Variants in PKHD1L1 observed in about 807,000 individuals in gnomAD.
PKHD1L1 encodes the protein PKHD1 like 1, also known as fibrocystin-L.
PKHD1L1 carries 434 observed loss-of-function variants against 462.9 expected under a neutral mutation model. The ratio of observed to expected loss-of-function variants is 0.94; its 90% CI spans 0.87 to 1.02. The LOEUF (loss-of-function observed/expected upper bound fraction) is 1.02. Ranked by LOEUF, PKHD1L1 falls within the 50% of genes least tolerant of loss-of-function variation. The pLI, the probability that PKHD1L1 is intolerant of heterozygous loss-of-function variation, is 0.00. For synonymous variants in PKHD1L1, 1,781 were observed against 1,750.0 expected, an observed-to-expected ratio of 1.02 and a Z score of -0.44; for missense variants, 5,202 against 5,096.1, an observed-to-expected ratio of 1.02 and a Z score of -0.63.
rs1816025397 is a variant in PKHD1L1, at chr8:109,444,794, C to G, written c.4925C>G (p.Thr1642Ser). 6.2e-7 allele frequency: 1 copy of G among 1,613,896 alleles called. No homozygotes were observed. Among genetic ancestry groups the G allele is most frequent in the Non-Finnish European group, 8.5e-7 (1 of 1,179,898 alleles). Residue 1642 changes from threonine to serine, a missense_variant, in exon 38 of 78, where the codon ACT becomes AGT. Transcript: ENST00000378402. ...ACTTTGACTGTCTACAACCTGGGCA[C>G]TGCTATCAATACGTTGTCCAATGAA... ...TVTLTVYNLGTAINTLSNEFD... is the reference protein window; with the variant it reads ...TVTLTVYNLGSAINTLSNEFD...
intron 2 of PKHD1L1, among the ~76,000 whole-genome samples, chr8:109,380,929 C>T (rs1812077235): frequency 2.0e-5 from 3 of 152,122 alleles, no homozygotes; most frequent in African/African-American, 7.2e-5. Context: ...TTATCACCTC[C>T]AGATATAGAA....
At chr8:109,481,263 G>T (rs1411353505) in intron 55 of PKHD1L1, among the ~76,000 whole-genome samples, 170 bp from the exon 56 acceptor site, 1 of 151,828 alleles carries the variant, frequency 6.6e-6, no homozygotes, top group Non-Finnish European at 1.5e-5. Flanking sequence ...CATTTAAACT[G>T]CTTATCCAAA....
intron 62 of PKHD1L1, among the ~76,000 whole-genome samples, chr8:109,493,019 T>G (rs1327079896): frequency 6.6e-6 from 1 of 151,708 alleles, no homozygotes; most frequent in South Asian, 2.1e-4. Flanking sequence ...GTTGTCCTTT[T>G]TTAAATAAAT....
Position 109,396,034 on chromosome 8 carries a change from C to A in PKHD1L1, c.819C>A (p.Thr273=), listed in dbSNP as rs1812955114. 4 of 1,595,606 alleles carry A rather than the reference C, an allele frequency of 2.5e-6. No individual in the cohort carries two copies. The highest frequency in any genetic ancestry group is 3.4e-6 in the Non-Finnish European group (4 of 1,170,346). ...AATGTGGTTTTCCCCCAGAGGTCACCATGATTTTCCCTTCACAAGGAAGCA... is the reference window on the plus strand; with the variant it reads ...AATGTGGTTTTCCCCCAGAGGTCACAATGATTTTCCCTTCACAAGGAAGCA... ...IAMFQTYAEV[T]MIFPSQGSIR... is the part of the protein sequence containing the mutation. The change falls in exon 11 of 78, where the codon ACC becomes ACA. Residue 273 remains threonine (T), a synonymous_variant. Transcript: ENST00000378402.
At chr8:109,511,644 A>G (rs533422406) in intron 71 of PKHD1L1, among the ~76,000 whole-genome samples, 1,945 of 151,964 alleles carry the variant, frequency 0.013, 42 homozygotes, top group African/African-American at 0.044. Context: ...GAATAGTGCC[A>G]CAATAAACAT....
At position 109,474,776 on chromosome 8, in the gene PKHD1L1, T is replaced by A. The variant is rs149929935; in HGVS notation, c.8606-342T>A. Among the ~76,000 whole-genome samples, 306 of 152,210 alleles carry A rather than the reference T, an allele frequency of 2.0e-3. 3 individuals carry two copies. The highest frequency in any genetic ancestry group is 7.2e-3 in the African/African-American group (298 of 41,566). On this transcript the variant is annotated intron_variant, in intron 50 of 77. Transcript: ENST00000378402. ...AATTATATTAATATATTTAGGCACT[T>A]TCGTTTTAGCAGTTGTAATTTCACA...
chr8:109,462,356 G>T (rs1817184133), intron 48 of PKHD1L1, among the ~76,000 whole-genome samples: 1 of 151,958 alleles, frequency 6.6e-6, no homozygotes, highest in South Asian at 2.1e-4. Context: ...TGGCTTCATG[G>T]TATACGTAAA....
chr8:109,372,956 C>T (rs1811594574), intron 2 of PKHD1L1, among the ~76,000 whole-genome samples: 1 of 152,142 alleles, frequency 6.6e-6, no homozygotes, highest in African/African-American at 2.4e-5. Flanking sequence ...GGATATTGGT[C>T]TAAAATTTTC....
At chr8:109,474,871 A>G (rs1817898086) in intron 50 of PKHD1L1, among the ~76,000 whole-genome samples, 2 of 152,186 alleles carry the variant, frequency 1.3e-5, no homozygotes, top group African/African-American at 4.8e-5. Flanking sequence ...GTTTGAAAGC[A>G]TTTTACTTTC....
At chr8:109,447,509 A>G (rs1414300687) in intron 38 of PKHD1L1, among the ~76,000 whole-genome samples, 1 of 152,138 alleles carries the variant, frequency 6.6e-6, no homozygotes, top group Non-Finnish European at 1.5e-5. Flanking sequence ...CTTCACGTAC[A>G]TTTGTCAAAA....
intron 48 of PKHD1L1, among the ~76,000 whole-genome samples, chr8:109,462,467 G>A (rs1262541840): frequency 2.0e-5 from 3 of 152,128 alleles, no homozygotes; most frequent in African/African-American, 4.8e-5. Context: ...TGCCATGCTA[G>A]TCATAGAGGA....
chr8:109,515,374 T>C (rs1820215938), intron 72 of PKHD1L1, 69 bp downstream of exon 72: 2 of 1,221,180 alleles, frequency 1.6e-6, no homozygotes, highest in Non-Finnish European at 1.1e-6. Context: ...AGTGTCTGAT[T>C]ATTAGTATTT....
chr8:109,458,544 T>C (rs1420960017), intron 46 of PKHD1L1, among the ~76,000 whole-genome samples: 3 of 152,172 alleles, frequency 2.0e-5, no homozygotes, highest in Admixed American at 2.0e-4. Flanking sequence ...CTCATAGGAC[T>C]GCAGCGTTGT....
chr8:109,527,074 T>C (rs1820855210), intron 77 of PKHD1L1, 54 bp downstream of exon 77: 3 of 1,430,646 alleles, frequency 2.1e-6, no homozygotes, highest in Non-Finnish European at 2.9e-6. Flanking sequence ...TACCAGTGTT[T>C]ACTGGATAAA....
intron 46 of PKHD1L1, 38 bp from the exon 47 acceptor site, chr8:109,459,557 A>T (rs1816997524): frequency 7.1e-7 from 1 of 1,409,302 alleles, no homozygotes; most frequent in Non-Finnish European, 9.4e-7. Context: ...ATGTCAATTT[A>T]TATTAATTTT....
chr8:109,504,466 A>C lies in PKHD1L1; in HGVS notation c.10968A>C (p.Lys3656Asn), dbSNP rs1389185191. Residue 3656 changes from lysine (K) to asparagine (N), a missense_variant, in exon 68 of 78, where the codon AAA (lysine) becomes AAC (asparagine). By Grantham distance (94) the Lys-to-Asn change is moderately conservative (BLOSUM62 0). Coordinates refer to ENST00000378402, the MANE Select transcript of PKHD1L1 (RefSeq NM_177531.6). ...IKLVDTTEQSKIFIHRPDISK... is the reference protein window; with the variant it reads ...IKLVDTTEQSNIFIHRPDISK... ...TGGTTGATACCACTGAACAATCAAA[A>C]ATATTTATACATAGGCCTGATATAA... 6.5e-7 allele frequency: 1 copy of C among 1,538,274 alleles called. No homozygotes were observed. The highest frequency in any genetic ancestry group is 2.1e-5 in the Admixed American group (1 of 46,856).
At chr8:109,435,769 A>G (rs1438922431) in intron 29 of PKHD1L1, among the ~76,000 whole-genome samples, 1 of 152,230 alleles carries the variant, frequency 6.6e-6, no homozygotes, top group African/African-American at 2.4e-5. Flanking sequence ...TGGAAAGAAC[A>G]TAACACATTT....
intron 35 of PKHD1L1, among the ~76,000 whole-genome samples, 181 bp downstream of exon 35, chr8:109,442,376 A>G (rs1444561716): frequency 6.6e-6 from 1 of 152,194 alleles, no homozygotes; most frequent in Non-Finnish European, 1.5e-5. Flanking sequence ...GTTATTTTAT[A>G]CATATTCAAG....
chr8:109,366,600 C>G (rs993560176), intron 2 of PKHD1L1, among the ~76,000 whole-genome samples: 3 of 151,818 alleles, frequency 2.0e-5, no homozygotes, highest in Non-Finnish European at 4.4e-5. Flanking sequence ...AATCTTGTTA[C>G]ATATTCTTAT....
Sources: gnomAD v4.1 joint callset for allele counts (sites outside exome capture counted in the v4.1 genomes callset) on GRCh38, gnomAD v4.1.1 for gene constraint, MANE v1.5 for transcripts, NCBI Gene and HGNC (gene_info 2026-07-23, HGNC 2026-07-21) for gene names.